The following PAX5 variants were observed in gnomAD, a reference collection of about 807,000 sequenced individuals.
The protein encoded by PAX5 is paired box protein Pax-5.
PAX5 carries 9 observed loss-of-function variants against 43.7 expected under a neutral mutation model. The ratio of observed to expected loss-of-function variants is 0.21; its 90% CI spans 0.12 to 0.36. The LOEUF is 0.36. Ranked by LOEUF, PAX5 falls within the 10% of genes least tolerant of loss-of-function variation. PAX5 has a pLI of 1.00. For missense variants in PAX5, 383 were observed against 532.7 expected, an observed-to-expected ratio of 0.72 and a Z score of 2.77; for synonymous variants, 228 against 214.3, an observed-to-expected ratio of 1.06 and a Z score of -0.56.
chr9:36,939,927 C>G (rs1205487794), intron 6 of PAX5, among the ~76,000 whole-genome samples: 1 of 152,246 alleles, frequency 6.6e-6, no homozygotes. Context: ...ACCCTCCCCT[C>G]GACGCGGGGC....
intron 5 of PAX5, among the ~76,000 whole-genome samples, chr9:36,973,530 T>C (rs534474229): frequency 6.2e-4 from 95 of 152,234 alleles, no homozygotes; most frequent in Middle Eastern, 3.4e-3. Context: ...ACCTATAAAG[T>C]AGACACCCAC....
In PAX5 at chr9:37,015,932, C is replaced by A. The variant is rs957145458; in HGVS notation, c.213-738G>T. 1.3e-5 allele frequency among the ~76,000 whole-genome samples: 2 copies of A among 152,226 alleles called. 1 individual carries two copies. Among genetic ancestry groups the A allele is most frequent in the Non-Finnish European group, 2.9e-5 (2 of 68,040 alleles). ...GCACTGGCTAAGCATTAACAAAATTCTTTCACATTCATCTACCATTTTATA... is the reference window on the plus strand; with the variant it reads ...GCACTGGCTAAGCATTAACAAAATTATTTCACATTCATCTACCATTTTATA... On this transcript the variant is annotated intron_variant, in intron 2 of 9. Coordinates refer to ENST00000358127, the MANE Select transcript of PAX5 (RefSeq NM_016734.3). This position sits in a 1 kb window ranked among gnomAD's most constrained non-coding sequence, Gnocchi z 4.4.
intron 7 of PAX5, among the ~76,000 whole-genome samples, chr9:36,887,728 T>C (rs1827023461): frequency 6.6e-6 from 1 of 152,210 alleles, no homozygotes; most frequent in African/African-American, 2.4e-5. Flanking sequence ...TGACCCTGGA[T>C]TCGGCAATAG....
In PAX5 at chr9:36,840,005, A is replaced by T. The variant is rs1015147688; in HGVS notation, c.*555T>A. 4.2e-6 allele frequency: 1 copy of T among 238,186 alleles called. No homozygotes were observed. Among genetic ancestry groups the T allele is most frequent in the African/African-American group, 2.2e-5 (1 of 45,364 alleles). The allele number at this position is 238,186 out of a possible 1,614,324, so 14.8% of individuals were successfully genotyped here. A position where few individuals can be genotyped will look rare whatever the true frequency, so the allele number is the denominator to read the frequency against. ...CTGGGGCCCAAGGGCAGCATCCTCC[A>T]TCTTGAGGACAGCTCTGAGCGCACC... On this transcript the variant is annotated 3_prime_UTR_variant, in exon 10 of 10. Transcript: ENST00000358127.
chr9:36,856,353 C>T (rs10973106), intron 8 of PAX5, among the ~76,000 whole-genome samples: 5,570 of 152,282 alleles, frequency 0.037, 138 homozygotes, highest in Middle Eastern at 0.11. Flanking sequence ...GTGTTTACTG[C>T]AGAAACCACC....
At chr9:36,905,856 T>C (rs1282527478) in intron 7 of PAX5, among the ~76,000 whole-genome samples, 1 of 152,206 alleles carries the variant, frequency 6.6e-6, no homozygotes. Flanking sequence ...CCTCCCCATC[T>C]GTTCAATGAT....
Position 37,033,941 on chromosome 9 carries a change from C to G in PAX5, c.46+45G>C, listed in dbSNP as rs755453493. 8 of 1,599,194 alleles carry G rather than the reference C, an allele frequency of 5.0e-6. No homozygotes were observed. In the South Asian group the frequency reaches 6.7e-5, roughly 13 times the overall value. On this transcript the variant is annotated intron_variant, in intron 1 of 9. Coordinates refer to ENST00000358127, the MANE Select transcript of PAX5 (RefSeq NM_016734.3). ...CCCTGCGTGGGGACCAAGGCCTGGC[C>G]GTGTCCCGGAGTTTGCACATCTGGA...
At chr9:36,863,852 T>C (rs1217711008) in intron 8 of PAX5, among the ~76,000 whole-genome samples, 5 of 152,192 alleles carry the variant, frequency 3.3e-5, no homozygotes, top group Admixed American at 3.3e-4. Context: ...GGCTCACGCC[T>C]CCAATCCCAG....
chr9:36,958,332 T>C (rs551492586), intron 6 of PAX5, among the ~76,000 whole-genome samples: 1 of 151,800 alleles, frequency 6.6e-6, no homozygotes, highest in African/African-American at 2.4e-5. Flanking sequence ...GGAACTGGAC[T>C]CTCCTCCACT....
chr9:36,913,690 G>A (rs1303285805), intron 7 of PAX5, among the ~76,000 whole-genome samples: 1 of 152,180 alleles, frequency 6.6e-6, no homozygotes, highest in Non-Finnish European at 1.5e-5. Flanking sequence ...TATTTAATGC[G>A]GCATATATAT....
intron 3 of PAX5, among the ~76,000 whole-genome samples, chr9:37,010,771 G>C (rs114351235): frequency 1.6e-4 from 25 of 152,274 alleles, no homozygotes; most frequent in African/African-American, 6.0e-4. Flanking sequence ...TGGGCCATCA[G>C]CTATGCCGAG....
At chr9:36,849,643 C>G (rs1822953800) in intron 8 of PAX5, among the ~76,000 whole-genome samples, 1 of 152,212 alleles carries the variant, frequency 6.6e-6, no homozygotes, top group South Asian at 2.1e-4. Context: ...GTGTTGGACA[C>G]CTGCTATGTG....
intron 8 of PAX5, chr9:36,861,379 T>G (rs1198397168): frequency 1.3e-5 from 2 of 150,528 alleles, no homozygotes; most frequent in Admixed American, 1.3e-4. Flanking sequence ...GTCCCTGCCC[T>G]CATGGAGCTT....
At chr9:36,855,551 T>C (rs974171044) in intron 8 of PAX5, among the ~76,000 whole-genome samples, 2 of 152,180 alleles carry the variant, frequency 1.3e-5, no homozygotes, top group Admixed American at 6.5e-5. Context: ...CTGATTTGTG[T>C]GCATGCGTGA....
At chr9:36,850,309 G>C (rs1823032080) in intron 8 of PAX5, among the ~76,000 whole-genome samples, 1 of 152,250 alleles carries the variant, frequency 6.6e-6, no homozygotes. Flanking sequence ...ACAGCTTGCA[G>C]TCAGGGGGCC....
intron 7 of PAX5, among the ~76,000 whole-genome samples, chr9:36,903,865 G>T (rs1018026416): frequency 6.6e-6 from 1 of 152,132 alleles, no homozygotes; most frequent in Non-Finnish European, 1.5e-5. Flanking sequence ...TTCAGATAGG[G>T]GTCTGTCCAA....
In PAX5 at chr9:36,882,492, T is replaced by TG. The variant is rs1215060083; in HGVS notation, c.911-388dup. 1.3e-5 allele frequency among the ~76,000 whole-genome samples: 2 copies of TG among 152,196 alleles called. No individual in the cohort carries two copies. The highest frequency in any genetic ancestry group is 2.9e-5 in the Non-Finnish European group (2 of 68,032). On this transcript the variant is annotated intron_variant, in intron 7 of 9. Transcript: ENST00000358127. This position sits in a 1 kb window ranked among gnomAD's most constrained non-coding sequence, Gnocchi z 4.4. The stretch of plus-strand genomic sequence containing the variant: ...TGGGACCTCTCCATCTCCACACTGT[T>TG]GTTTCTGCTATGTCCTTTGTACAAA...
chr9:36,986,374 G>A (rs1178499757), intron 5 of PAX5, among the ~76,000 whole-genome samples: 2 of 148,130 alleles, frequency 1.4e-5, no homozygotes, highest in East Asian at 3.9e-4. Flanking sequence ...GCGCCGGCGG[G>A]GGCAGCGCCG....
At chr9:36,997,179 C>T (rs1440672061) in intron 5 of PAX5, among the ~76,000 whole-genome samples, 1 of 152,182 alleles carries the variant, frequency 6.6e-6, no homozygotes, top group East Asian at 1.9e-4. Context: ...CTGGAAAGGA[C>T]AGGCCACCTC....
Sources: allele counts gnomAD v4.1 joint callset (sites outside exome capture counted in the v4.1 genomes callset), GRCh38; gene constraint gnomAD v4.1.1; non-coding constraint Gnocchi (gnomAD v3.1); transcripts MANE v1.5; gene names NCBI Gene and HGNC (gene_info 2026-07-23, HGNC 2026-07-21).